ACSS1: variants seen among roughly 807,000 people sequenced by gnomAD.
The protein encoded by ACSS1 is acyl-CoA synthetase short chain family member 1.
Under a neutral mutation model 75.3 loss-of-function variants are expected in ACSS1, and 42 were observed. The observed-to-expected ratio is 0.56, with a 90% CI of 0.44 to 0.72. The LOEUF (loss-of-function observed/expected upper bound fraction) is 0.72. Ranked by LOEUF, ACSS1 falls within the 30% of genes least tolerant of loss-of-function variation. ACSS1 has a pLI of 0.00. For missense variants in ACSS1, 782 were observed against 935.7 expected (o/e 0.84, Z 2.14); for synonymous variants, 380 against 376.8 (o/e 1.01, Z -0.10).
At chr20:25,038,387 G>T (rs77723010) in intron 2 of ACSS1, among the ~76,000 whole-genome samples, 2,214 of 152,318 alleles carry the variant, frequency 0.015, 72 homozygotes, top group African/African-American at 0.051. Flanking sequence ...CCACTACCAA[G>T]GTGGTCGTGG....
intron 3 of ACSS1, among the ~76,000 whole-genome samples, chr20:25,030,231 CCAGA>C (rs1428451407): frequency 3.3e-5 from 5 of 152,334 alleles, no homozygotes; most frequent in African/African-American, 1.2e-4. Context: ...GGGCCACCAT[CCAGA>C]CACTCAGTCC....
intron 5 of ACSS1, among the ~76,000 whole-genome samples, chr20:25,021,925 G>A (rs189260494): frequency 3.3e-5 from 5 of 152,270 alleles, no homozygotes; most frequent in East Asian, 1.9e-4. Context: ...AACTGCCCAC[G>A]TGCAGGAAAC....
intron 2 of ACSS1, among the ~76,000 whole-genome samples, chr20:25,038,335 G>T (rs2088948570): frequency 6.6e-6 from 1 of 152,120 alleles, no homozygotes; most frequent in African/African-American, 2.4e-5. Context: ...ACACCACTGG[G>T]GCCTGAACTG....
chr20:25,014,440 C>G (rs2088480057), intron 8 of ACSS1, among the ~76,000 whole-genome samples: 1 of 152,234 alleles, frequency 6.6e-6, no homozygotes, highest in Non-Finnish European at 1.5e-5. Flanking sequence ...AAAAAAGATG[C>G]TCTCAAATCC....
At chr20:25,046,465 C>T (rs1430799893) in intron 2 of ACSS1, 7 of 323,170 alleles carry the variant, frequency 2.2e-5, no homozygotes, top group South Asian at 1.0e-4. Flanking sequence ...GCCGAGGGGG[C>T]GTGGCACACA....
intron 12 of ACSS1, chr20:25,009,759 C>A: frequency 5.2e-6 from 1 of 193,898 alleles, no homozygotes; most frequent in Non-Finnish European, 1.1e-5. Context: ...TGAGAAGGTG[C>A]ACAGATGCAC....
At chr20:25,049,954 G>A (rs1008475610) in intron 1 of ACSS1, among the ~76,000 whole-genome samples, 3 of 152,182 alleles carry the variant, frequency 2.0e-5, no homozygotes, top group Non-Finnish European at 2.9e-5. Flanking sequence ...TTGGGGAGGA[G>A]GGATGAATCA....
intron 6 of ACSS1, 31 bp from the exon 7 acceptor site, chr20:25,020,178 G>A: frequency 6.2e-7 from 1 of 1,613,450 alleles, no homozygotes; most frequent in African/African-American, 1.3e-5. Flanking sequence ...ACTGTCAGCA[G>A]GAGAGCTGAC....
At position 25,058,030 on chromosome 20, in the gene ACSS1, C is replaced by A. The variant is rs1168662563; in HGVS notation, c.73G>T (p.Ala25Ser). 1.7e-5 allele frequency: 23 copies of A among 1,373,036 alleles called. No individual in the cohort carries two copies. Among genetic ancestry groups the A allele is most frequent in the Admixed American group, 3.8e-5 (1 of 26,036 alleles). The allele number at this position is 1,373,036 out of a possible 1,614,324, so 85.1% of individuals were successfully genotyped here. Reference sequence around the variant, plus strand: ...GCGCTCACCCCGCACGGCGGCCGCGCGGGCTGCCCCGAGAGCCCTCGCAGG... The same window carrying A: ...GCGCTCACCCCGCACGGCGGCCGCGAGGGCTGCCCCGAGAGCCCTCGCAGG... ...GSLRGLSGQP[A>S]RPPCGVSAPR... is the part of the protein sequence containing the mutation. Residue 25 changes from alanine (A) to serine (S), a missense_variant, in exon 1 of 14, where the codon GCG becomes TCG. Coordinates refer to ENST00000323482, the MANE Select transcript of ACSS1 (RefSeq NM_032501.4).
intron 2 of ACSS1, among the ~76,000 whole-genome samples, chr20:25,038,501 C>G (rs2088950901): frequency 6.6e-6 from 1 of 152,210 alleles, no homozygotes; most frequent in South Asian, 2.1e-4. Context: ...TTATTGAACA[C>G]TGATGGACCT....
chr20:25,017,524 C>T (rs2088539921), intron 7 of ACSS1, among the ~76,000 whole-genome samples: 1 of 152,238 alleles, frequency 6.6e-6, no homozygotes, highest in Non-Finnish European at 1.5e-5. Context: ...AACAGAACAG[C>T]GAGGTGTGTG....
At chr20:25,031,086 T>A in intron 2 of ACSS1, 128 bp from the exon 3 acceptor site, 1 of 923,214 alleles carries the variant, frequency 1.1e-6, no homozygotes, top group Non-Finnish European at 1.7e-6. Flanking sequence ...AAACAGGCAC[T>A]TGAATACTTA....
At chr20:25,032,674 T>G (rs2088847244) in intron 2 of ACSS1, 4 of 1,205,286 alleles carry the variant, frequency 3.3e-6, no homozygotes, top group Non-Finnish European at 4.1e-6. Context: ...TGCATAGCTC[T>G]CCTCTGTTCA....
rs764988886 is a variant in ACSS1 at position 25,023,478 on chromosome 20, G to A, written c.795C>T (p.Val265=). 5 of 1,613,942 alleles carry A rather than the reference G, an allele frequency of 3.1e-6. No individual in the cohort carries two copies. Among genetic ancestry groups the A allele is most frequent in the Non-Finnish European group, 4.2e-6 (5 of 1,180,028 alleles). Residue 265 remains valine (V), a synonymous_variant, in exon 4 of 14, where the codon GTC becomes GTT. Coordinates refer to ENST00000323482, the MANE Select transcript of ACSS1 (RefSeq NM_032501.4). ...CGAGGTAACCCACCTGCTCCAGCGGGACGTCCAGATCCCCCATGTGGACCT... is the reference window on the plus strand; with the variant it reads ...CGAGGTAACCCACCTGCTCCAGCGGAACGTCCAGATCCCCCATGTGGACCT... ...DNKVHMGDLD[V]PLEQEMAKED... is the part of the protein sequence containing the mutation.
chr20:25,026,794 T>C (rs2088726994), intron 3 of ACSS1, among the ~76,000 whole-genome samples: 1 of 152,196 alleles, frequency 6.6e-6, no homozygotes, highest in South Asian at 2.1e-4. Context: ...CCTGCAGAGC[T>C]GCACAAAAAG....
In ACSS1 at chr20:25,041,197, T is replaced by G. The variant is rs185087900; in HGVS notation, c.431+6888A>C. On this transcript the variant is annotated intron_variant, in intron 2 of 13. Transcript: ENST00000323482. ...GGCGTGAACCCAGGAGGCGGAGCTT[T>G]CAGTGAGCCGAGATTGCGCCACTGT... Among the ~76,000 whole-genome samples the G allele has an allele frequency of 1.5e-3, 219 of 150,858 alleles. 1 individual carries two copies. The highest frequency in any genetic ancestry group is 4.9e-3 in the African/African-American group (201 of 40,958).
rs2122643141 is a variant in ACSS1 at position 25,022,985 on chromosome 20, G to A, written c.915C>T (p.Val305=). ...SGSTGMPKGI[V]HTQAGYLLYA... Reference sequence around the variant, plus strand: ...AGAGCAGGTAGCCTGCCTGGGTATGGACGATGCCCTTGGGCATTCCGGTGC... The same window carrying A: ...AGAGCAGGTAGCCTGCCTGGGTATGAACGATGCCCTTGGGCATTCCGGTGC... Residue 305 remains valine, a synonymous_variant, in exon 5 of 14, where the codon GTC becomes GTT. Coordinates refer to ENST00000323482, the MANE Select transcript of ACSS1 (RefSeq NM_032501.4). 1 of 1,614,092 alleles carries A rather than the reference G, an allele frequency of 6.2e-7. No individual in the cohort carries two copies. The highest frequency in any genetic ancestry group is 2.2e-5 in the East Asian group (1 of 44,886).
intron 7 of ACSS1, among the ~76,000 whole-genome samples, chr20:25,015,497 A>C (rs2088501128): frequency 1.3e-5 from 2 of 152,028 alleles, no homozygotes; most frequent in African/African-American, 4.8e-5. Flanking sequence ...GGGTTTCACC[A>C]TGTTGGCCAG....
chr20:25,037,989 C>T (rs941352843), intron 2 of ACSS1, among the ~76,000 whole-genome samples: 37 of 152,218 alleles, frequency 2.4e-4, no homozygotes, highest in African/African-American at 8.4e-4. Flanking sequence ...TATTTGATGT[C>T]ATGACCATGA....
Sources: gnomAD v4.1 joint callset for allele counts (sites outside exome capture counted in the v4.1 genomes callset) on GRCh38, gnomAD v4.1.1 for gene constraint, MANE v1.5 for transcripts, NCBI Gene and HGNC (gene_info 2026-07-23, HGNC 2026-07-21) for gene names.